The following GLRA3 variants were observed in gnomAD, a reference collection of about 807,000 sequenced individuals.
The protein encoded by GLRA3 is glycine receptor subunit alpha-3.
A neutral mutation model predicts 60.4 loss-of-function variants in GLRA3; 44 were observed. That is an observed-to-expected ratio of 0.73 (90% CI 0.57 to 0.94). GLRA3 has a LOEUF of 0.94. GLRA3 is among the 40% of genes least tolerant of loss of function. The pLI, the probability that GLRA3 is intolerant of heterozygous loss-of-function variation, is 0.00. For missense variants in GLRA3, 508 were observed against 564.6 expected (o/e 0.90, Z 1.02); for synonymous variants, 223 against 192.9 (o/e 1.16, Z -1.29).
rs1200420751 is a variant in GLRA3 at position 174,721,831 on chromosome 4, ATG to A, written c.492-6263_492-6262del. Among the ~76,000 whole-genome samples, 4 of 151,774 alleles carry A rather than the reference ATG, an allele frequency of 2.6e-5. No homozygotes were observed. The South Asian group carries it at 8.3e-4, about 32-fold the overall frequency. On this transcript the variant is annotated intron_variant, in intron 4 of 9. Transcript: ENST00000274093. ...TGAAAAAATATGTGTGTGTATATAT[ATG>A]TGTGTGTATATGTGTGTATACATAT...
chr4:174,795,094 ATGT>A (rs1236765693), intron 1 of GLRA3, among the ~76,000 whole-genome samples: 2 of 151,190 alleles, frequency 1.3e-5, no homozygotes, highest in African/African-American at 4.8e-5. Context: ...AAAGATCAAC[ATGT>A]TGTTAAAATA....
chr4:174,706,233 A>C (rs1735517571), intron 5 of GLRA3, among the ~76,000 whole-genome samples: 6 of 127,638 alleles, frequency 4.7e-5, no homozygotes, highest in Admixed American at 3.9e-4. Context: ...CCGTCTCAGA[A>C]AAAAAAAAGA....
intron 5 of GLRA3, among the ~76,000 whole-genome samples, chr4:174,704,121 C>T (rs1336631120): frequency 1.6e-5 from 2 of 124,512 alleles, no homozygotes; most frequent in Non-Finnish European, 3.6e-5. Context: ...ATGGCAAAAC[C>T]CCATCTCTAT....
intron 2 of GLRA3, among the ~76,000 whole-genome samples, chr4:174,774,338 C>T (rs1309944246): frequency 1.3e-5 from 2 of 150,928 alleles, no homozygotes; most frequent in East Asian, 1.9e-4. Flanking sequence ...AGAAGAAAAT[C>T]GATGTGTAAA....
At chr4:174,696,852 G>C (rs1314858180) in intron 5 of GLRA3, among the ~76,000 whole-genome samples, 1 of 152,098 alleles carries the variant, frequency 6.6e-6, no homozygotes, top group Non-Finnish European at 1.5e-5. Context: ...AAGTAAGGAA[G>C]AGAAAGTAAA....
chr4:174,756,463 A>G (rs1737702300), intron 3 of GLRA3, among the ~76,000 whole-genome samples: 1 of 152,168 alleles, frequency 6.6e-6, no homozygotes, highest in African/African-American at 2.4e-5. Flanking sequence ...AAATAAATCA[A>G]TATAATTAAT....
chr4:174,772,882 T>C (rs1738447603), intron 2 of GLRA3, among the ~76,000 whole-genome samples: 1 of 152,148 alleles, frequency 6.6e-6, no homozygotes, highest in Non-Finnish European at 1.5e-5. Flanking sequence ...ATGACAGTCC[T>C]TGGAGATAGA....
intron 5 of GLRA3, among the ~76,000 whole-genome samples, chr4:174,683,828 G>C (rs1282030605): frequency 2.0e-5 from 3 of 151,968 alleles, no homozygotes; most frequent in African/African-American, 7.2e-5. Flanking sequence ...TATCTACAAA[G>C]CAAAAATGGA....
intron 4 of GLRA3, among the ~76,000 whole-genome samples, chr4:174,718,995 C>T (rs1736035165): frequency 2.6e-5 from 3 of 116,860 alleles, no homozygotes; most frequent in South Asian, 2.9e-4. Context: ...GACGGAGTCT[C>T]GCTGTCGCCC....
chr4:174,824,529 T>C (rs1578945729), intron 1 of GLRA3, among the ~76,000 whole-genome samples: 1 of 152,344 alleles, frequency 6.6e-6, no homozygotes, highest in East Asian at 1.9e-4. Context: ...CATATTCTTG[T>C]AGTTTTATTA....
intron 9 of GLRA3, 121 bp from the exon 10 acceptor site, chr4:174,644,185 A>G: frequency 1.5e-6 from 1 of 655,388 alleles, no homozygotes; most frequent in Non-Finnish European, 2.7e-6. Context: ...GGAAAAGATA[A>G]CCGAAGCATA....
At chr4:174,658,012 C>T (rs928186969) in intron 8 of GLRA3, among the ~76,000 whole-genome samples, 33 of 152,062 alleles carry the variant, frequency 2.2e-4, no homozygotes, top group African/African-American at 7.5e-4. Context: ...GATTCAAGCA[C>T]TGAGAGGTCA....
chr4:174,754,193 A>C (rs981816626), intron 3 of GLRA3, among the ~76,000 whole-genome samples: 1 of 152,136 alleles, frequency 6.6e-6, no homozygotes, highest in Non-Finnish European at 1.5e-5. Flanking sequence ...CATTAAGCAG[A>C]GATTTATTCA....
At chr4:174,827,595 T>C (rs1413967322) in intron 1 of GLRA3, among the ~76,000 whole-genome samples, 1 of 151,930 alleles carries the variant, frequency 6.6e-6, no homozygotes, top group East Asian at 1.9e-4. Context: ...CATATCAAGA[T>C]GATTTTTATT....
rs1732518324 is a variant in GLRA3 at position 174,637,279 on chromosome 4, T to C, written c.*6507A>G. 6.6e-6 allele frequency: 1 copy of C among 152,162 alleles called. No individual in the cohort carries two copies. The highest frequency in any genetic ancestry group is 6.5e-5 in the Admixed American group (1 of 15,272). 9.4% of individuals were successfully genotyped at this position (152,162 alleles called of 1,614,324 possible). A position where few individuals can be genotyped will look rare whatever the true frequency, so the allele number is the denominator to read the frequency against. Reference sequence around the variant, plus strand: ...AATAATGAAGTCACTGTATATCATATAAAGATGGTACATGGAAAATATATG... The same window carrying C: ...AATAATGAAGTCACTGTATATCATACAAAGATGGTACATGGAAAATATATG... On this transcript the variant is annotated 3_prime_UTR_variant, in exon 10 of 10. Transcript: ENST00000274093.
intron 3 of GLRA3, among the ~76,000 whole-genome samples, chr4:174,758,233 G>T (rs143454085): frequency 6.6e-6 from 1 of 152,046 alleles, no homozygotes; most frequent in African/African-American, 2.4e-5. Flanking sequence ...CACAGTGAAG[G>T]TTAAAAAAAG....
At chr4:174,745,547 C>T (rs995032999) in intron 3 of GLRA3, among the ~76,000 whole-genome samples, 1 of 152,096 alleles carries the variant, frequency 6.6e-6, no homozygotes, top group South Asian at 2.1e-4. Context: ...TAAGTGCTGA[C>T]TTTTCCCTAT....
At chr4:174,709,684 G>C (rs1218642737) in intron 5 of GLRA3, among the ~76,000 whole-genome samples, 1 of 152,024 alleles carries the variant, frequency 6.6e-6, no homozygotes, top group Non-Finnish European at 1.5e-5. Context: ...GTTGAGATTT[G>C]AGGAATAAGC....
chr4:174,729,051 C>T (rs1736449096), intron 3 of GLRA3, among the ~76,000 whole-genome samples: 1 of 152,196 alleles, frequency 6.6e-6, no homozygotes, highest in Admixed American at 6.5e-5. Flanking sequence ...CACTGATTAC[C>T]ACGTAAAACA....
Sources: allele counts gnomAD v4.1 joint callset (sites outside exome capture counted in the v4.1 genomes callset), GRCh38; gene constraint gnomAD v4.1.1; transcripts MANE v1.5; gene names NCBI Gene and HGNC (gene_info 2026-07-23, HGNC 2026-07-21).